Variants in PCDHGA3 observed in about 807,000 individuals in gnomAD.
PCDHGA3 encodes protocadherin gamma-A3.
Under a neutral mutation model 58.5 loss-of-function variants are expected in PCDHGA3, and 40 were observed. The observed-to-expected ratio is 0.68, with a 90% CI of 0.53 to 0.89. The LOEUF (loss-of-function observed/expected upper bound fraction) is 0.89, where lower values mean the gene tolerates loss of function less well. Among genes scored for constraint, PCDHGA3 ranks in the 40% least tolerant of loss-of-function variants. PCDHGA3 has a pLI of 0.00. For missense variants in PCDHGA3, 1,223 were observed against 1,195.9 expected, an observed-to-expected ratio of 1.02 and a Z score of -0.33; for synonymous variants, 530 against 525.7, an observed-to-expected ratio of 1.01 and a Z score of -0.11.
At chr5:141,371,561 C>G (rs2240697) in intron 1 of PCDHGA3, 742,014 of 1,613,358 alleles carry the variant, frequency 0.46, 178,763 homozygotes, top group African/African-American at 0.84. Flanking sequence ...TAAAAGGAAA[C>G]TTCCCCTTTA....
At chr5:141,427,944 A>C (rs780874108) in intron 1 of PCDHGA3, 63 of 1,586,294 alleles carry the variant, frequency 4.0e-5, no homozygotes, top group Non-Finnish European at 8.6e-6. Context: ...GGGCGACCTC[A>C]ATGACAATGT....
At chr5:141,372,131 G>C (rs181587030) in intron 1 of PCDHGA3, 4 of 1,613,644 alleles carry the variant, frequency 2.5e-6, no homozygotes, top group African/African-American at 1.3e-5. Context: ...ATATGGTGCC[G>C]CGCTCTGCAG....
At position 141,400,101 on chromosome 5, in the gene PCDHGA3, G is replaced by A. The variant is rs778391200; in HGVS notation, c.2424+53644G>A. The A allele has an allele frequency of 8.1e-6, 13 of 1,613,948 alleles. No homozygotes were observed. The East Asian group carries it at 2.9e-4, about 36-fold the overall frequency. ...TCTCCGCCACCGCCACGCTGCACTT[G>A]GTCTTTGCTGACAGCTTGCAGGAGG... On this transcript the variant is annotated intron_variant, in intron 1 of 3. Coordinates refer to ENST00000253812, the MANE Select transcript of PCDHGA3 (RefSeq NM_018916.4).
intron 1 of PCDHGA3, chr5:141,403,541 G>A (rs1332209242): frequency 6.2e-7 from 1 of 1,614,016 alleles, no homozygotes. Context: ...GCTGGTGCTG[G>A]AGCGCGCCCT....
intron 1 of PCDHGA3, among the ~76,000 whole-genome samples, chr5:141,488,510 G>A (rs910546464): frequency 1.3e-5 from 2 of 152,152 alleles, no homozygotes; most frequent in Non-Finnish European, 2.9e-5. Context: ...TCCACATTTG[G>A]GGTCTGGGGT....
chr5:141,383,749 A>C (rs771648323), intron 1 of PCDHGA3: 12 of 1,614,008 alleles, frequency 7.4e-6, no homozygotes, highest in Non-Finnish European at 1.0e-5. Context: ...TTTTCGGAAA[A>C]TAACTCCTAA....
intron 1 of PCDHGA3, chr5:141,394,523 C>T (rs373702756): frequency 5.0e-6 from 8 of 1,614,234 alleles, no homozygotes; most frequent in Non-Finnish European, 6.8e-6. Context: ...TCCCCACAGA[C>T]GGTTCCACTG....
intron 1 of PCDHGA3, among the ~76,000 whole-genome samples, chr5:141,450,470 AGTTT>A (rs199699353): frequency 4.6e-5 from 7 of 151,680 alleles, no homozygotes; most frequent in Non-Finnish European, 8.8e-5. Flanking sequence ...TTATATATAG[AGTTT>A]GTTTGTTTGT....
At chr5:141,389,640 G>A in intron 1 of PCDHGA3, 1 of 1,612,974 alleles carries the variant, frequency 6.2e-7, no homozygotes, top group Non-Finnish European at 8.5e-7. Flanking sequence ...TGGCTACTTG[G>A]TGACCAAGGT....
intron 1 of PCDHGA3, chr5:141,421,352 AGG>A: frequency 6.2e-7 from 1 of 1,613,946 alleles, no homozygotes; most frequent in Non-Finnish European, 8.5e-7. Context: ...GAGACCGAAA[AGG>A]GCTCCTTCGT....
In PCDHGA3 at chr5:141,350,355, G is replaced by A. The variant is rs762723957; in HGVS notation, c.2424+3898G>A. The stretch of plus-strand genomic sequence containing the variant: ...TGCGGGGCCATCTCCCAGCAGATCC[G>A]ATACACGATTCCAGAGGAGCTAGCC... On this transcript the variant is annotated intron_variant, in intron 1 of 3. Coordinates refer to ENST00000253812, the MANE Select transcript of PCDHGA3 (RefSeq NM_018916.4). 2 of 1,565,846 alleles carry A rather than the reference G, an allele frequency of 1.3e-6. No homozygotes were observed. Among genetic ancestry groups the A allele is most frequent in the Non-Finnish European group, 1.7e-6 (2 of 1,155,674 alleles).
At chr5:141,356,240 TCA>T in intron 1 of PCDHGA3, 1 of 1,584,290 alleles carries the variant, frequency 6.3e-7, no homozygotes, top group Non-Finnish European at 8.6e-7. Context: ...GCACCAGAAG[TCA>T]CAGTTACATC....
Position 141,487,673 on chromosome 5 carries a change from C to T in PCDHGA3, c.2425-7134C>T. On this transcript the variant is annotated intron_variant, in intron 1 of 3. Transcript: ENST00000253812. The surrounding 1 kb of genome is among the most constrained non-coding windows in gnomAD (Gnocchi z 5.0). Reference sequence around the variant, plus strand: ...GGGTTATTCTGATCCAGGCATATGGCTAGGCCATGTCCTAGAGAGTACTGG... The same window carrying T: ...GGGTTATTCTGATCCAGGCATATGGTTAGGCCATGTCCTAGAGAGTACTGG... 6.2e-7 allele frequency: 1 copy of T among 1,611,456 alleles called. No homozygotes were observed. Among genetic ancestry groups the T allele is most frequent in the East Asian group, 2.2e-5 (1 of 44,852 alleles).
intron 1 of PCDHGA3, among the ~76,000 whole-genome samples, chr5:141,382,057 G>A (rs1777911677): frequency 6.6e-6 from 1 of 151,794 alleles, no homozygotes; most frequent in Non-Finnish European, 1.5e-5. Flanking sequence ...TCAAGCTCCC[G>A]ACCTCAGGTG....
chr5:141,393,051 C>G, intron 1 of PCDHGA3: 1 of 1,613,622 alleles, frequency 6.2e-7, no homozygotes, highest in South Asian at 1.1e-5. Flanking sequence ...TCTGAACCCG[C>G]GCAGCGGCAG....
In PCDHGA3 at chr5:141,370,388, G is replaced by A. The variant is rs10052885; in HGVS notation, c.2424+23931G>A. 6.8e-4 allele frequency: 1,046 copies of A among 1,542,246 alleles called. 12 individuals carry two copies. In the African/African-American group the frequency reaches 0.013, roughly 19 times the overall value. Reference sequence around the variant, plus strand: ...GGATTTAGAAAGGCAAAGGCGCAGAGAGCGGGATGGGAAATAGCTCCGGAT... The same window carrying A: ...GGATTTAGAAAGGCAAAGGCGCAGAAAGCGGGATGGGAAATAGCTCCGGAT... On this transcript the variant is annotated intron_variant, in intron 1 of 3. Coordinates refer to ENST00000253812, the MANE Select transcript of PCDHGA3 (RefSeq NM_018916.4).
chr5:141,360,762 A>G (rs917082893), intron 1 of PCDHGA3: 1 of 1,613,952 alleles, frequency 6.2e-7, no homozygotes, highest in Non-Finnish European at 8.5e-7. Context: ...GTTTACATCA[A>G]TTGGTCCTCA....
chr5:141,455,738 A>G (rs896060095), intron 1 of PCDHGA3, among the ~76,000 whole-genome samples: 2 of 152,140 alleles, frequency 1.3e-5, no homozygotes, highest in Non-Finnish European at 2.9e-5. Flanking sequence ...TTGCATATCA[A>G]AGGTTGCTGG....
rs1002764667 is a variant in PCDHGA3, at chr5:141,468,260, G to A, written c.2425-26547G>A. 4.0e-5 allele frequency among the ~76,000 whole-genome samples: 6 copies of A among 150,102 alleles called. No homozygotes were observed. The East Asian group carries it at 1.2e-3, about 30-fold the overall frequency. ...GAATTGCCTGAACCTGGGAGGCAGA[G>A]GTTGTGGTGAGCCGAGACCACGCCA... On this transcript the variant is annotated intron_variant, in intron 1 of 3. Coordinates refer to ENST00000253812, the MANE Select transcript of PCDHGA3 (RefSeq NM_018916.4).
Sources: allele counts gnomAD v4.1 joint callset (sites outside exome capture counted in the v4.1 genomes callset), GRCh38; gene constraint gnomAD v4.1.1; non-coding constraint Gnocchi (gnomAD v3.1); transcripts MANE v1.5; gene names NCBI Gene and HGNC (gene_info 2026-07-23, HGNC 2026-07-21).